The following GABRA2 variants were observed in gnomAD, a reference collection of about 807,000 sequenced individuals.
GABRA2 encodes gamma-aminobutyric acid receptor subunit alpha-2.
GABRA2 carries 16 observed loss-of-function variants against 48.7 expected under a neutral mutation model. That is an observed-to-expected ratio of 0.33 (90% CI 0.22 to 0.50). The LOEUF (loss-of-function observed/expected upper bound fraction) is 0.50. Among genes scored for constraint, GABRA2 ranks in the 20% least tolerant of loss-of-function variants. The pLI is 0.98. For synonymous variants in GABRA2, 185 were observed against 184.5 expected (o/e 1.00, Z -0.02); for missense variants, 275 against 535.6 (o/e 0.51, Z 4.80).
intron 3 of GABRA2, among the ~76,000 whole-genome samples, chr4:46,355,147 G>A (rs1038924302): frequency 6.6e-6 from 1 of 152,036 alleles, no homozygotes; most frequent in Admixed American, 6.6e-5. Context: ...TCATATCAGT[G>A]CTAAAAATTT....
chr4:46,296,005 C>G (rs1577948606), intron 8 of GABRA2, among the ~76,000 whole-genome samples: 1 of 152,166 alleles, frequency 6.6e-6, no homozygotes, highest in East Asian at 1.9e-4. Flanking sequence ...ATTGTTTATA[C>G]CATGTTCCCC....
In GABRA2 at chr4:46,248,130, T is replaced by A. The variant is rs494751; in HGVS notation, c.*2178A>T. ...TCATACAGAAACTGTTATTTACAAC[T>A]GTTTTTACATATACACATATTTATA... On this transcript the variant is annotated 3_prime_UTR_variant, in exon 10 of 10. Transcript: ENST00000381620. Among the ~76,000 whole-genome samples the A allele has an allele frequency of 6.6e-5, 10 of 150,976 alleles. No individual in the cohort carries two copies. Among genetic ancestry groups the A allele is most frequent in the African/African-American group, 2.2e-4 (9 of 41,364 alleles).
At chr4:46,387,026 C>T (rs1717554983) in intron 2 of GABRA2, among the ~76,000 whole-genome samples, 1 of 152,176 alleles carries the variant, frequency 6.6e-6, no homozygotes, top group Non-Finnish European at 1.5e-5. Flanking sequence ...AAGCCAAACA[C>T]CTGATTCTGT....
At chr4:46,284,214 A>G (rs1376832236) in intron 8 of GABRA2, among the ~76,000 whole-genome samples, 1 of 152,180 alleles carries the variant, frequency 6.6e-6, no homozygotes, top group Non-Finnish European at 1.5e-5. Flanking sequence ...ATTCATCACA[A>G]TTATGTTTTT....
At chr4:46,346,403 A>G (rs1381460940) in intron 3 of GABRA2, among the ~76,000 whole-genome samples, 1 of 151,698 alleles carries the variant, frequency 6.6e-6, no homozygotes, top group Non-Finnish European at 1.5e-5. Context: ...AGTTAAGAAT[A>G]ATAAAAAAAA....
At chr4:46,370,333 T>C (rs1373314876) in intron 3 of GABRA2, among the ~76,000 whole-genome samples, 1 of 151,916 alleles carries the variant, frequency 6.6e-6, no homozygotes, top group Non-Finnish European at 1.5e-5. Context: ...ACTCATATAC[T>C]TCAGAAGAGA....
chr4:46,294,387 C>T (rs566664903), intron 8 of GABRA2, among the ~76,000 whole-genome samples: 1 of 152,310 alleles, frequency 6.6e-6, no homozygotes, highest in South Asian at 2.1e-4. Flanking sequence ...CAAGTTGCTG[C>T]ATTTGGCCCC....
rs186316635 is a variant in GABRA2 at position 46,381,927 on chromosome 4, G to A, written c.187+4147C>T. Reference sequence around the variant, plus strand: ...TTTTAAGGATGAAGTCAACTCTATAGTTGATCATTTTCATGGTGGCACACT... The same window carrying A: ...TTTTAAGGATGAAGTCAACTCTATAATTGATCATTTTCATGGTGGCACACT... On this transcript the variant is annotated intron_variant, in intron 3 of 9. Transcript: ENST00000381620. Among the ~76,000 whole-genome samples the A allele has an allele frequency of 4.6e-5, 7 of 152,158 alleles. No individual in the cohort carries two copies. In the East Asian group the frequency reaches 1.4e-3, roughly 29 times the overall value.
At position 46,248,248 on chromosome 4, in the gene GABRA2, C is replaced by A. The variant is rs1440323415; in HGVS notation, c.*2060G>T. The stretch of plus-strand genomic sequence containing the variant: ...ATCTAATAATGCATACCATATAGAG[C>A]AATTTCATTGCTTGCCTTCTGGCAT... On this transcript the variant is annotated 3_prime_UTR_variant, in exon 10 of 10. Transcript: ENST00000381620. Among the ~76,000 whole-genome samples the A allele has an allele frequency of 2.0e-5, 3 of 151,286 alleles. No homozygotes were observed. Among genetic ancestry groups the A allele is most frequent in the East Asian group, 1.9e-4 (1 of 5,132 alleles).
rs529093428 is a variant in GABRA2 at position 46,250,350 on chromosome 4, A to G, written c.1314T>C (p.Ala438=). The change falls in exon 10 of 10, where the codon GCT becomes GCC. Residue 438 remains alanine (A), a synonymous_variant. Coordinates refer to ENST00000381620, the MANE Select transcript of GABRA2 (RefSeq NM_000807.4). The part of the protein sequence containing the change: ...LFGTFNLVYW[A]TYLNREPVLG... ...ATACAGGTTCTCTGTTTAAATATGTAGCCCAGTAAACTAAATTAAAGGTAC... is the reference window on the plus strand; with the variant it reads ...ATACAGGTTCTCTGTTTAAATATGTGGCCCAGTAAACTAAATTAAAGGTAC... 5.0e-6 allele frequency: 8 copies of G among 1,611,226 alleles called. No homozygotes were observed. In the South Asian group the frequency reaches 8.8e-5, roughly 18 times the overall value.
chr4:46,300,171 T>A (rs933688822), intron 8 of GABRA2, among the ~76,000 whole-genome samples: 8 of 151,922 alleles, frequency 5.3e-5, no homozygotes, highest in African/African-American at 1.9e-4. Flanking sequence ...TCCATTTCAA[T>A]CCTATTTCAC....
chr4:46,253,642 G>T (rs1284559905), intron 9 of GABRA2, among the ~76,000 whole-genome samples: 1 of 151,464 alleles, frequency 6.6e-6, no homozygotes, highest in Non-Finnish European at 1.5e-5. Context: ...GCTTCAAAGT[G>T]CTCTCTTGTA....
chr4:46,306,327 T>C (rs1485357224), intron 6 of GABRA2, among the ~76,000 whole-genome samples: 1 of 152,194 alleles, frequency 6.6e-6, no homozygotes, highest in African/African-American at 2.4e-5. Context: ...TACACATTCA[T>C]AGCATCCCAG....
intron 3 of GABRA2, among the ~76,000 whole-genome samples, chr4:46,363,265 A>G (rs1002693072): frequency 1.3e-5 from 2 of 152,332 alleles, no homozygotes; most frequent in South Asian, 2.1e-4. Flanking sequence ...GAGTATTAAG[A>G]GTTAGTGGAG....
chr4:46,352,708 A>G (rs1444090263), intron 3 of GABRA2, among the ~76,000 whole-genome samples: 1 of 152,044 alleles, frequency 6.6e-6, no homozygotes, highest in Non-Finnish European at 1.5e-5. Context: ...CATTCACTGT[A>G]GAGTACTTGT....
chr4:46,341,269 G>A (rs1733174316), intron 3 of GABRA2, among the ~76,000 whole-genome samples: 1 of 151,794 alleles, frequency 6.6e-6, no homozygotes, highest in Non-Finnish European at 1.5e-5. Context: ...TTCTGTATAT[G>A]GAACATATTT....
At chr4:46,268,346 G>A (rs1467851971) in intron 8 of GABRA2, among the ~76,000 whole-genome samples, 1 of 151,822 alleles carries the variant, frequency 6.6e-6, no homozygotes, top group Non-Finnish European at 1.5e-5. Context: ...CACCTCTATA[G>A]AAATAAAACA....
At chr4:46,372,189 CA>C (rs1219375526) in intron 3 of GABRA2, among the ~76,000 whole-genome samples, 2 of 152,148 alleles carry the variant, frequency 1.3e-5, no homozygotes, top group African/African-American at 2.4e-5. Flanking sequence ...TACTGATTAT[CA>C]AATACATCCT....
chr4:46,353,977 T>C (rs1735567923), intron 3 of GABRA2, among the ~76,000 whole-genome samples: 1 of 152,306 alleles, frequency 6.6e-6, no homozygotes, highest in Non-Finnish European at 1.5e-5. Flanking sequence ...ATTAGAACAA[T>C]TGCTGGCACA....
Sources: gnomAD v4.1 joint callset for allele counts (sites outside exome capture counted in the v4.1 genomes callset) on GRCh38, gnomAD v4.1.1 for gene constraint, MANE v1.5 for transcripts, NCBI Gene and HGNC (gene_info 2026-07-23, HGNC 2026-07-21) for gene names.